The following BCL11A variants were observed in gnomAD, a reference collection of about 807,000 sequenced individuals.
BCL11A encodes the protein BCL11 transcription factor A, also known as B cell CLL/lymphoma 11A.
A neutral mutation model predicts 55.9 loss-of-function variants in BCL11A; 2 were observed. That is an observed-to-expected ratio of 0.04 (90% CI 0.01 to 0.11). The LOEUF (loss-of-function observed/expected upper bound fraction) is 0.11, where lower values mean the gene tolerates loss of function less well. Among genes scored for constraint, BCL11A ranks in the 10% least tolerant of loss-of-function variants. The pLI, the probability that BCL11A is intolerant of heterozygous loss-of-function variation, is 1.00. For synonymous variants in BCL11A, 465 were observed against 473.4 expected (o/e 0.98, Z 0.23); for missense variants, 817 against 1,137.1 (o/e 0.72, Z 4.05).
chr2:60,479,369 G>C (rs1477420984), intron 2 of BCL11A, among the ~76,000 whole-genome samples: 1 of 152,186 alleles, frequency 6.6e-6, no homozygotes, highest in Non-Finnish European at 1.5e-5. Flanking sequence ...AGACTGCTTG[G>C]GAAATGAGGT....
At chr2:60,501,505 CT>C (rs11366853) in intron 2 of BCL11A, among the ~76,000 whole-genome samples, 21,813 of 119,652 alleles carry the variant, frequency 0.18, 1,203 homozygotes, top group Middle Eastern at 0.22. Context: ...ACACCGCTTT[CT>C]TTTTTTTTTT....
At chr2:60,512,312 G>A (rs975426275) in intron 2 of BCL11A, among the ~76,000 whole-genome samples, 1 of 152,196 alleles carries the variant, frequency 6.6e-6, no homozygotes. Flanking sequence ...TTGGGCTTGT[G>A]GCTGAGCTGT....
intron 3 of BCL11A, among the ~76,000 whole-genome samples, chr2:60,466,925 T>C (rs886327547): frequency 1.3e-5 from 2 of 152,244 alleles, no homozygotes; most frequent in Non-Finnish European, 2.9e-5. Context: ...GCATGATTCA[T>C]ACCATGTGTT....
intron 2 of BCL11A, among the ~76,000 whole-genome samples, chr2:60,524,081 T>C (rs1669103525): frequency 6.6e-6 from 1 of 152,242 alleles, no homozygotes; most frequent in African/African-American, 2.4e-5. Flanking sequence ...GAGGGTATCT[T>C]CATTTATCAT....
chr2:60,455,013 G>A (rs1001649757), downstream of BCL11A, among the ~76,000 whole-genome samples: 5 of 152,184 alleles, frequency 3.3e-5, no homozygotes, highest in African/African-American at 1.2e-4. Flanking sequence ...TTTGTAATGT[G>A]TTGGTTCCAG....
chr2:60,468,394 G>A (rs1374941540), intron 3 of BCL11A, among the ~76,000 whole-genome samples: 1 of 152,138 alleles, frequency 6.6e-6, no homozygotes, highest in Non-Finnish European at 1.5e-5. Flanking sequence ...AGTCCTAAAT[G>A]AGGCCACAGG....
intron 2 of BCL11A, among the ~76,000 whole-genome samples, chr2:60,507,250 AGGGGAG>A (rs1679666208): frequency 1.5e-3 from 2 of 1,304 alleles, no homozygotes; most frequent in Non-Finnish European, 2.7e-3. Flanking sequence ...GAGGGAGGGG[AGGGGAG>A]GGGAGGGGAG....
intron 2 of BCL11A, among the ~76,000 whole-genome samples, chr2:60,530,392 G>A (rs1336187718): frequency 1.3e-5 from 2 of 149,096 alleles, no homozygotes; most frequent in Non-Finnish European, 3.0e-5. Flanking sequence ...AGGCACGCCG[G>A]CCACGCCCCA....
intron 3 of BCL11A, among the ~76,000 whole-genome samples, chr2:60,465,848 C>A (rs1158423044): frequency 1.3e-5 from 2 of 152,168 alleles, no homozygotes; most frequent in African/African-American, 4.8e-5. Flanking sequence ...AATGACTAAC[C>A]ACATTACACA....
chr2:60,478,968 G>GTT (rs67125871), intron 2 of BCL11A, among the ~76,000 whole-genome samples: 46 of 146,148 alleles, frequency 3.1e-4, no homozygotes, highest in Non-Finnish European at 4.1e-4. Context: ...TTTGTTTTTT[G>GTT]TTTTTTTTTT....
In BCL11A at chr2:60,458,554, T is replaced by C. The variant is rs1676055715; in HGVS notation, c.*1850A>G. On this transcript the variant is annotated 3_prime_UTR_variant, in exon 4 of 4. Transcript: ENST00000642384. ...GTTTCCATTCACAGCGCTTGCAATG[T>C]TGCGTCCAAGTAAGTAAGCTCAATA... 7 of 1,038,526 alleles carry C rather than the reference T, an allele frequency of 6.7e-6. No individual in the cohort carries two copies. Among genetic ancestry groups the C allele is most frequent in the Non-Finnish European group, 8.1e-6 (7 of 862,032 alleles). 64.3% of individuals were successfully genotyped at this position (1,038,526 alleles called of 1,614,324 possible).
At chr2:60,544,572 G>C (rs189208251) in intron 2 of BCL11A, 2 of 152,312 alleles carry the variant, frequency 1.3e-5, no homozygotes, top group Non-Finnish European at 2.9e-5. Flanking sequence ...GCCATGTTTG[G>C]TTTTAATGAT....
chr2:60,452,459 C>A (rs1675762726), downstream of BCL11A: 11 of 857,814 alleles, frequency 1.3e-5, no homozygotes, highest in Non-Finnish European at 2.0e-5. Context: ...TGTCTTCGCA[C>A]AACGGCTTCT....
intron 2 of BCL11A, among the ~76,000 whole-genome samples, chr2:60,512,994 C>T (rs2104496582): frequency 6.6e-6 from 1 of 152,220 alleles, no homozygotes; most frequent in African/African-American, 2.4e-5. Flanking sequence ...AGAGCAACAG[C>T]TGACGAGTCA....
At chr2:60,471,299 G>GA (rs1358647563) in intron 2 of BCL11A, among the ~76,000 whole-genome samples, 2 of 152,132 alleles carry the variant, frequency 1.3e-5, no homozygotes, top group Non-Finnish European at 2.9e-5. Flanking sequence ...ATTTACTTTA[G>GA]AAAAAAAGCA....
chr2:60,476,984 T>C (rs1240031215), intron 2 of BCL11A, among the ~76,000 whole-genome samples: 1 of 152,212 alleles, frequency 6.6e-6, no homozygotes, highest in African/African-American at 2.4e-5. Context: ...GACACTGCCC[T>C]GAACATATTT....
At chr2:60,511,892 G>T (rs923988102) in intron 2 of BCL11A, among the ~76,000 whole-genome samples, 3 of 152,140 alleles carry the variant, frequency 2.0e-5, no homozygotes, top group Non-Finnish European at 2.9e-5. Flanking sequence ...AAATGATGAG[G>T]TGCTTCCTCT....
intron 2 of BCL11A, among the ~76,000 whole-genome samples, chr2:60,491,646 G>A (rs191369155): frequency 8.6e-5 from 13 of 151,324 alleles, no homozygotes; most frequent in African/African-American, 1.9e-4. Context: ...ATTCCAGCCC[G>A]GGCAACAAGA....
intron 2 of BCL11A, among the ~76,000 whole-genome samples, chr2:60,521,096 CACACTCACA>C (rs760978455): frequency 1.0e-3 from 80 of 79,036 alleles, no homozygotes; most frequent in South Asian, 1.8e-3. Context: ...CACACACACA[CACACTCACA>C]CACACACACA....
Sources: allele counts gnomAD v4.1 joint callset (sites outside exome capture counted in the v4.1 genomes callset), GRCh38; gene constraint gnomAD v4.1.1; transcripts MANE v1.5; gene names NCBI Gene and HGNC (gene_info 2026-07-23, HGNC 2026-07-21).